The following PCSK2 variants were observed in gnomAD, a reference collection of about 807,000 sequenced individuals.
PCSK2 encodes proprotein convertase subtilisin/kexin type 2, also known as neuroendocrine convertase 2.
Under a neutral mutation model 69.7 loss-of-function variants are expected in PCSK2, and 14 were observed. That is an observed-to-expected ratio of 0.20 (90% CI 0.13 to 0.31). The LOEUF is 0.31. PCSK2 is among the 10% of genes least tolerant of loss of function. The probability of loss-of-function intolerance (pLI) is 1.00; values close to 1 mark genes in which losing one functional copy is unlikely to be tolerated. For missense variants in PCSK2, 544 were observed against 842.5 expected (o/e 0.65, Z 4.39); for synonymous variants, 307 against 320.7 (o/e 0.96, Z 0.46).
intron 1 of PCSK2, among the ~76,000 whole-genome samples, chr20:17,236,350 A>T (rs1232694303): frequency 6.6e-6 from 1 of 152,162 alleles, no homozygotes; most frequent in Non-Finnish European, 1.5e-5. Flanking sequence ...TCTCATATTT[A>T]GGAGTTTGTA....
intron 5 of PCSK2, among the ~76,000 whole-genome samples, chr20:17,372,276 G>A (rs1053348575): frequency 6.6e-6 from 1 of 152,074 alleles, no homozygotes; most frequent in African/African-American, 2.4e-5. Context: ...ATACTCAGGA[G>A]GCTGAGGCAG....
intron 1 of PCSK2, among the ~76,000 whole-genome samples, chr20:17,234,164 G>A (rs1292209981): frequency 2.0e-5 from 3 of 152,224 alleles, no homozygotes; most frequent in South Asian, 2.1e-4. Flanking sequence ...AAGGCAAACC[G>A]AGCCAGATCA....
Position 17,453,868 on chromosome 20 carries a change from G to T in PCSK2, c.1012G>T (p.Gly338Cys). The T allele has an allele frequency of 6.2e-7, 1 of 1,614,240 alleles. No homozygotes were observed. Among genetic ancestry groups the T allele is most frequent in the Non-Finnish European group, 8.5e-7 (1 of 1,180,046 alleles). Reference sequence around the variant, plus strand: ...CTCCATCAACTCAGCCATCAACGACGGCAGGACTGCCCTGTACGACGAGAG... The same window carrying T: ...CTCCATCAACTCAGCCATCAACGACTGCAGGACTGCCCTGTACGACGAGAG... ...TISINSAIND[G>C]RTALYDESCS... Residue 338 changes from glycine (G) to cysteine (C), a missense_variant, in exon 9 of 12, where the codon GGC becomes TGC. By Grantham distance (159) the Gly-to-Cys change is radical. This residue lies in a region of PCSK2 where 187 missense variants were observed against 399.8 expected (regional missense o/e 0.47). Coordinates refer to ENST00000262545, the MANE Select transcript of PCSK2 (RefSeq NM_002594.5). The surrounding 1 kb of genome is among the most constrained non-coding windows in gnomAD (Gnocchi z 4.0).
intron 5 of PCSK2, among the ~76,000 whole-genome samples, chr20:17,384,464 T>C (rs2031179372): frequency 6.8e-6 from 1 of 146,948 alleles, no homozygotes; most frequent in Non-Finnish European, 1.5e-5. Context: ...TAGCCGGGCA[T>C]GGTGTCACAT....
intron 2 of PCSK2, among the ~76,000 whole-genome samples, chr20:17,335,843 G>A (rs996551801): frequency 7.0e-6 from 1 of 143,436 alleles, no homozygotes; most frequent in African/African-American, 2.6e-5. Flanking sequence ...TTTTCTGGCT[G>A]AGTAGTAGTC....
chr20:17,255,270 C>T (rs779554598), intron 1 of PCSK2, among the ~76,000 whole-genome samples: 1 of 152,082 alleles, frequency 6.6e-6, no homozygotes, highest in Non-Finnish European at 1.5e-5. Flanking sequence ...AGCCTTTCAC[C>T]ATTAACTATG....
intron 2 of PCSK2, among the ~76,000 whole-genome samples, chr20:17,325,304 A>G (rs1270015966): frequency 6.6e-6 from 1 of 152,176 alleles, no homozygotes; most frequent in African/African-American, 2.4e-5. Flanking sequence ...GAACACATTT[A>G]TAAGCAGCTC....
intron 2 of PCSK2, among the ~76,000 whole-genome samples, chr20:17,273,289 C>T (rs1393984341): frequency 6.6e-6 from 1 of 152,130 alleles, no homozygotes; most frequent in African/African-American, 2.4e-5. Context: ...ATTCATGTGA[C>T]ATGGGCAAGT....
intron 9 of PCSK2, among the ~76,000 whole-genome samples, chr20:17,454,480 C>A (rs2032882943): frequency 6.6e-6 from 1 of 152,030 alleles, no homozygotes; most frequent in African/African-American, 2.4e-5. Flanking sequence ...TAAAATGGAG[C>A]CATGATTTTT....
rs537230263 is a variant in PCSK2, at chr20:17,447,860, C to A, written c.886-5882C>A. Among the ~76,000 whole-genome samples the A allele has an allele frequency of 2.0e-5, 3 of 152,176 alleles. No homozygotes were observed. In the East Asian group the frequency reaches 5.8e-4, roughly 29 times the overall value. ...TCAATTATATAAATTGTGAGAAATA[C>A]ATTTTAAGCAGGCCAAGAAAGTTGA... On this transcript the variant is annotated intron_variant, in intron 8 of 11. Coordinates refer to ENST00000262545, the MANE Select transcript of PCSK2 (RefSeq NM_002594.5).
At chr20:17,380,473 C>T (rs1312944846) in intron 5 of PCSK2, among the ~76,000 whole-genome samples, 2 of 152,194 alleles carry the variant, frequency 1.3e-5, no homozygotes, top group African/African-American at 2.4e-5. Flanking sequence ...TCAAATCTCA[C>T]GTCCAACTGC....
intron 1 of PCSK2, among the ~76,000 whole-genome samples, chr20:17,232,971 C>G (rs934559001): frequency 3.9e-5 from 6 of 152,134 alleles, no homozygotes; most frequent in African/African-American, 7.2e-5. Context: ...TGCCTTAGAT[C>G]GAATCCAAGC....
chr20:17,299,191 C>G (rs62202214), intron 2 of PCSK2, among the ~76,000 whole-genome samples: 1 of 151,948 alleles, frequency 6.6e-6, no homozygotes, highest in African/African-American at 2.4e-5. Flanking sequence ...TTTTCACATG[C>G]GATCATTTTA....
At chr20:17,394,427 T>A (rs780433887) in intron 5 of PCSK2, among the ~76,000 whole-genome samples, 14 of 152,138 alleles carry the variant, frequency 9.2e-5, no homozygotes, top group Non-Finnish European at 2.1e-4. Context: ...GAGTGTCATG[T>A]GGGAAGAGGA....
intron 11 of PCSK2, among the ~76,000 whole-genome samples, chr20:17,480,184 CTTTTTTTTTTT>C (rs1164266992): frequency 2.2e-4 from 17 of 76,998 alleles, no homozygotes; most frequent in African/African-American, 8.8e-4. Context: ...TTCAGCTTTT[CTTTTTTTTTTT>C]TTTTTTTTTT....
intron 2 of PCSK2, among the ~76,000 whole-genome samples, chr20:17,321,730 T>C (rs991516016): frequency 1.3e-5 from 2 of 152,158 alleles, no homozygotes; most frequent in African/African-American, 4.8e-5. Flanking sequence ...TCAGCAGAAT[T>C]GTATTACACA....
intron 2 of PCSK2, among the ~76,000 whole-genome samples, chr20:17,311,585 C>T (rs902704699): frequency 2.6e-5 from 4 of 152,030 alleles, no homozygotes; most frequent in African/African-American, 9.7e-5. Context: ...TTAGAATGTA[C>T]CTTAGGCCAA....
intron 5 of PCSK2, among the ~76,000 whole-genome samples, chr20:17,379,893 A>G (rs1166829874): frequency 1.3e-5 from 2 of 152,240 alleles, no homozygotes; most frequent in African/African-American, 4.8e-5. Flanking sequence ...GGAAGGAGTC[A>G]GAGAGATTCT....
At chr20:17,356,147 GTA>G (rs200191838) in intron 2 of PCSK2, among the ~76,000 whole-genome samples, 76 of 151,178 alleles carry the variant, frequency 5.0e-4, no homozygotes, top group African/African-American at 1.8e-3. Flanking sequence ...ATGTGCATAA[GTA>G]TATATATATA....
Sources: allele counts gnomAD v4.1 joint callset (sites outside exome capture counted in the v4.1 genomes callset), GRCh38; gene constraint gnomAD v4.1.1; regional missense constraint gnomAD v4.1.1; non-coding constraint Gnocchi (gnomAD v3.1); transcripts MANE v1.5; gene names NCBI Gene and HGNC (gene_info 2026-07-23, HGNC 2026-07-21).